The following ACACB variants were observed in gnomAD, a reference collection of about 807,000 sequenced individuals.
ACACB encodes acetyl-CoA carboxylase beta, also known as acetyl-CoA carboxylase 2.
ACACB carries 209 observed loss-of-function variants against 278.8 expected under a neutral mutation model. The ratio of observed to expected loss-of-function variants is 0.75; its 90% CI spans 0.67 to 0.84. ACACB has a LOEUF of 0.84. Ranked by LOEUF, ACACB falls within the 40% of genes least tolerant of loss-of-function variation. ACACB has a pLI of 0.00. For missense variants in ACACB, 2,850 were observed against 3,269.0 expected (o/e 0.87, Z 3.13); for synonymous variants, 1,174 against 1,285.6 (o/e 0.91, Z 1.86).
intron 24 of ACACB, among the ~76,000 whole-genome samples, chr12:109,219,223 A>G (rs936981855): frequency 4.6e-5 from 7 of 152,138 alleles, no homozygotes; most frequent in African/African-American, 1.4e-4. Flanking sequence ...TTCCAATAAA[A>G]CTTTATTTAC....
At chr12:109,264,733 C>T (rs1355369525) in intron 50 of ACACB, among the ~76,000 whole-genome samples, 1 of 152,132 alleles carries the variant, frequency 6.6e-6, no homozygotes, top group Non-Finnish European at 1.5e-5. Flanking sequence ...TTCACCCACC[C>T]CTCACCATTG....
At chr12:109,198,349 T>C (rs570540659) in intron 17 of ACACB, among the ~76,000 whole-genome samples, 1 of 152,348 alleles carries the variant, frequency 6.6e-6, no homozygotes, top group East Asian at 1.9e-4. Context: ...CAGGCCCTGT[T>C]GGAAGTATGT....
chr12:109,216,799 A>T lies in ACACB; in HGVS notation c.3443A>T (p.His1148Leu). 6.2e-7 allele frequency: 1 copy of T among 1,614,144 alleles called. No homozygotes were observed. The highest frequency in any genetic ancestry group is 8.5e-7 in the Non-Finnish European group (1 of 1,180,012). ...LRVEHHFQQA[H>L]YDKCVINLRE... ...TGTGGTGTTTTGTCTCCCCCAGCCC[A>T]CTACGACAAGTGTGTGATAAACCTC... The change falls in exon 24 of 53, where the codon CAC becomes CTC. Residue 1148 changes from histidine to leucine, a missense_variant. By Grantham distance (99) the His-to-Leu change is moderately conservative. This residue lies in a region of ACACB where 2,265 missense variants were observed against 2,561.3 expected (regional missense o/e 0.88). Coordinates refer to ENST00000338432, the MANE Select transcript of ACACB (RefSeq NM_001093.4).
chr12:109,201,535 G>T (rs768826743), intron 18 of ACACB, 32 bp from the exon 19 acceptor site: 6 of 1,612,360 alleles, frequency 3.7e-6, no homozygotes, highest in Non-Finnish European at 3.4e-6. Context: ...ATCCCGGTGG[G>T]CTCTGTACTA....
intron 2 of ACACB, among the ~76,000 whole-genome samples, chr12:109,145,504 G>A (rs527435079): frequency 2.5e-4 from 38 of 151,680 alleles, no homozygotes; most frequent in African/African-American, 8.5e-4. Context: ...TACTCTTTAG[G>A]TCCATGTGTA....
intron 16 of ACACB, among the ~76,000 whole-genome samples, chr12:109,196,475 T>C (rs2045133024): frequency 6.6e-6 from 1 of 152,156 alleles, no homozygotes; most frequent in African/African-American, 2.4e-5. Flanking sequence ...ATGTCAGAAA[T>C]GGGCCACAGA....
chr12:109,246,516 T>C, intron 39 of ACACB, 68 bp downstream of exon 39: 1 of 1,562,034 alleles, frequency 6.4e-7, no homozygotes. Flanking sequence ...GTGGGAGTGC[T>C]AGCACCTGCA....
chr12:109,217,729 T>C lies in ACACB; in HGVS notation c.3564+809T>C, dbSNP rs374190712. On this transcript the variant is annotated intron_variant, in intron 24 of 52. Transcript: ENST00000338432. ...GCAGGAGGATTGCTTGAGCCTGGGA[T>C]GTTGAGGCTGCAGTAAGCTGTGATC... is the stretch of plus-strand genomic sequence containing the variant. Among the ~76,000 whole-genome samples the C allele has an allele frequency of 2.0e-5, 3 of 151,952 alleles. No homozygotes were observed. In the East Asian group the frequency reaches 5.8e-4, roughly 29 times the overall value.
In ACACB at chr12:109,143,106, T is replaced by C. The variant is rs1009561351; in HGVS notation, c.653+3048T>C. On this transcript the variant is annotated intron_variant, in intron 2 of 52. Transcript: ENST00000338432. The stretch of plus-strand genomic sequence containing the variant: ...TGATATGGTGAACGAAGGAGTGATG[T>C]GCTGCATGAACTTGGGTGAGTCCCT... Among the ~76,000 whole-genome samples the C allele has an allele frequency of 3.3e-5, 5 of 152,248 alleles. No individual in the cohort carries two copies. The East Asian group carries it at 5.8e-4, about 18-fold the overall frequency.
At chr12:109,126,335 G>A (rs1002876935) in intron 1 of ACACB, among the ~76,000 whole-genome samples, 5 of 152,188 alleles carry the variant, frequency 3.3e-5, no homozygotes, top group African/African-American at 7.2e-5. Flanking sequence ...GGCAGGGGCC[G>A]ATCTGGAACC....
intron 45 of ACACB, among the ~76,000 whole-genome samples, chr12:109,258,036 C>G (rs2047275386): frequency 6.6e-6 from 1 of 152,232 alleles, no homozygotes; most frequent in Non-Finnish European, 1.5e-5. Flanking sequence ...GCTCCAGGCC[C>G]TATACCATCC....
intron 39 of ACACB, 41 bp from the exon 40 acceptor site, chr12:109,247,565 C>T (rs2046982244): frequency 5.5e-6 from 8 of 1,460,958 alleles, no homozygotes; most frequent in East Asian, 2.3e-5. Flanking sequence ...GCTTTCAGTG[C>T]AGGGAACTGG....
intron 34 of ACACB, among the ~76,000 whole-genome samples, chr12:109,238,174 GT>G (rs2046686408): frequency 6.6e-6 from 1 of 150,846 alleles, no homozygotes; most frequent in Non-Finnish European, 1.5e-5. Context: ...ACACAATTCC[GT>G]CCCTGAAACC....
At chr12:109,226,417 C>T (rs1480847154) in intron 27 of ACACB, among the ~76,000 whole-genome samples, 1 of 149,866 alleles carries the variant, frequency 6.7e-6, no homozygotes, top group African/African-American at 2.5e-5. Flanking sequence ...TATCAGAACG[C>T]GGCCAGGTAC....
At chr12:109,146,378 GA>G (rs1050545215) in intron 2 of ACACB, among the ~76,000 whole-genome samples, 2 of 152,224 alleles carry the variant, frequency 1.3e-5, no homozygotes, top group Non-Finnish European at 2.9e-5. Context: ...GTAGCTGGGA[GA>G]CTGGCAAGGC....
At chr12:109,225,163 A>G (rs1202765453) in intron 27 of ACACB, among the ~76,000 whole-genome samples, 1 of 152,012 alleles carries the variant, frequency 6.6e-6, no homozygotes, top group Non-Finnish European at 1.5e-5. Flanking sequence ...TTTAAACACA[A>G]TTTTTGTTTT....
intron 4 of ACACB, among the ~76,000 whole-genome samples, chr12:109,170,515 G>A (rs1444427206): frequency 2.6e-5 from 4 of 152,152 alleles, no homozygotes; most frequent in Non-Finnish European, 4.4e-5. Context: ...CCTTGAGGAC[G>A]TTATGCTGGT....
At position 109,227,471 on chromosome 12, in the gene ACACB, C is replaced by T. The variant is rs774198876; in HGVS notation, c.3983C>T (p.Pro1328Leu). ...GTGGTAGAATTCCAGTTCATGCTGC[C>T]GTCCTCCCACCCAAACCGGTATGGA... ...TCVVEFQFML[P>L]SSHPNRMTVP... The change falls in exon 28 of 53, where the codon CCG (proline) becomes CTG (leucine). Residue 1328 changes from proline (P) to leucine (L), a missense_variant. Transcript: ENST00000338432. 15 of 1,613,888 alleles carry T rather than the reference C, an allele frequency of 9.3e-6. No homozygotes were observed. The highest frequency in any genetic ancestry group is 6.7e-5 in the Admixed American group (4 of 59,998).
chr12:109,133,863 A>ATATATATAT (rs55881936), intron 1 of ACACB, among the ~76,000 whole-genome samples: 4 of 70,630 alleles, frequency 5.7e-5, no homozygotes, highest in Admixed American at 1.5e-4. Context: ...ATATATATAT[A>ATATATATAT]TTTTTTTTTT....
Sources: gnomAD v4.1 joint callset for allele counts (sites outside exome capture counted in the v4.1 genomes callset) on GRCh38, gnomAD v4.1.1 for gene constraint, gnomAD v4.1.1 regional missense constraint, MANE v1.5 for transcripts, NCBI Gene and HGNC (gene_info 2026-07-23, HGNC 2026-07-21) for gene names.